Variants in ZNF462 observed in about 807,000 individuals in gnomAD.
ZNF462 encodes the protein zinc finger protein 462, also known as zinc finger PBX1-interacting protein.
In ZNF462, 10 loss-of-function variants were observed where a neutral mutation model predicts 201.9. The observed-to-expected ratio is 0.05, with a 90% confidence interval of 0.03 to 0.08. ZNF462 has a LOEUF of 0.08. ZNF462 is among the 10% of genes least tolerant of loss of function. The probability of loss-of-function intolerance (pLI) is 1.00; values close to 1 mark genes in which losing one functional copy is unlikely to be tolerated. For synonymous variants in ZNF462, 1,227 were observed against 1,193.3 expected (o/e 1.03, Z -0.58); for missense variants, 2,523 against 3,168.3 (o/e 0.80, Z 4.89).
intron 10 of ZNF462, among the ~76,000 whole-genome samples, chr9:106,986,808 T>C (rs1332784372): frequency 6.6e-6 from 1 of 152,034 alleles, no homozygotes; most frequent in Non-Finnish European, 1.5e-5. Flanking sequence ...ATTGTATTAT[T>C]CTTAGGCTTT....
chr9:106,929,794 G>A lies in ZNF462; in HGVS notation c.5847+35G>A, dbSNP rs1409419874. The stretch of plus-strand genomic sequence containing the variant: ...TGTTTTGATTTCCCTTCCCCCAGGA[G>A]GCCTCTCATCACTGGTGCCCACATG... On this transcript the variant is annotated intron_variant, in intron 3 of 12. Coordinates refer to ENST00000277225, the MANE Select transcript of ZNF462 (RefSeq NM_021224.6). The surrounding 1 kb of genome is among the most constrained non-coding windows in gnomAD (Gnocchi z 8.7). 1.3e-6 allele frequency: 2 copies of A among 1,568,166 alleles called. No homozygotes were observed. The highest frequency in any genetic ancestry group is 1.7e-6 in the Non-Finnish European group (2 of 1,154,106).
chr9:106,996,456 C>T, intron 10 of ZNF462, among the ~76,000 whole-genome samples: 1 of 152,132 alleles, frequency 6.6e-6, no homozygotes, highest in Non-Finnish European at 1.5e-5. Context: ...CCTATTTCTC[C>T]ACAACCTCTC....
intron 1 of ZNF462, among the ~76,000 whole-genome samples, chr9:106,864,795 G>A (rs1412399018): frequency 6.6e-6 from 1 of 152,122 alleles, no homozygotes; most frequent in Non-Finnish European, 1.5e-5. Flanking sequence ...TGTCTGTGTT[G>A]GCTGTTTGGT....
At chr9:106,956,860 T>C (rs929239172) in intron 7 of ZNF462, among the ~76,000 whole-genome samples, 1 of 152,178 alleles carries the variant, frequency 6.6e-6, no homozygotes, top group Non-Finnish European at 1.5e-5. Context: ...CTTCATAGAA[T>C]TGAAGATAAT....
At chr9:106,862,113 A>C (rs932302230), upstream of ZNF462, among the ~76,000 whole-genome samples, 7 of 152,160 alleles carry the variant, frequency 4.6e-5, no homozygotes, top group Admixed American at 6.5e-5. The surrounding 1 kb of genome is among the most constrained non-coding windows in gnomAD (Gnocchi z 4.2). Flanking sequence ...TAAAACGCAC[A>C]ATGAGCCTTT....
chr9:106,909,240 G>GGCGTGAGCCACTGCT (rs369057270), intron 1 of ZNF462, among the ~76,000 whole-genome samples: 13,582 of 151,326 alleles, frequency 0.09, 1,380 homozygotes, highest in African/African-American at 0.25. Context: ...TGGGATTACA[G>GGCGTGAGCCACTGCT]GCCCGTTAAT....
At chr9:107,007,030 G>A (rs551739258) in intron 11 of ZNF462, among the ~76,000 whole-genome samples, 16 of 152,000 alleles carry the variant, frequency 1.1e-4, no homozygotes, top group African/African-American at 1.7e-4. Context: ...CACTGTTACC[G>A]GAGTTTTCTG....
At position 106,876,340 on chromosome 9, in the gene ZNF462, C is replaced by A. The variant is rs1827829190; in HGVS notation, c.-31+12985C>A. Among the ~76,000 whole-genome samples, 1 of 152,214 alleles carries A rather than the reference C, an allele frequency of 6.6e-6. No homozygotes were observed. Among genetic ancestry groups the A allele is most frequent in the Admixed American group, 6.5e-5 (1 of 15,288 alleles). On this transcript the variant is annotated intron_variant, in intron 1 of 12. Transcript: ENST00000277225. The surrounding 1 kb of genome is among the most constrained non-coding windows in gnomAD (Gnocchi z 4.9). ...AAAGTGATAGTTTCTTCCTTCCTCA[C>A]TGATAGAGAAACTGAGGCAGAGATC...
At position 106,978,899 on chromosome 9, in the gene ZNF462, A is replaced by G. The variant is rs752959842; in HGVS notation, c.6832+4626A>G. ...GTGGGATCTCATCATATCTGTCATT[A>G]TAATTGGTCCTGATGGCTTCTACCA... On this transcript the variant is annotated intron_variant, in intron 9 of 12. Transcript: ENST00000277225. This position sits in a 1 kb window ranked among gnomAD's most constrained non-coding sequence, Gnocchi z 4.1. 3.8e-5 allele frequency: 12 copies of G among 314,354 alleles called. No homozygotes were observed. In the Middle Eastern group the frequency reaches 7.5e-3, roughly 198 times the overall value. The allele number at this position is 314,354 out of a possible 1,614,324, so 19.5% of individuals were successfully genotyped here. A position where few individuals can be genotyped will look rare whatever the true frequency, so the allele number is the denominator to read the frequency against.
chr9:106,951,520 T>C (rs1831347049), intron 7 of ZNF462, among the ~76,000 whole-genome samples: 1 of 152,208 alleles, frequency 6.6e-6, no homozygotes, highest in African/African-American at 2.4e-5. Flanking sequence ...GGTGGTTGTT[T>C]TTATATTAAT....
Position 106,933,094 on chromosome 9 carries a change from G to C in ZNF462, c.6116+545G>C, listed in dbSNP as rs1271568659. ...ATCACAGCTTTGAAAGTGTAAATATGGAATAGGTGTGTAAGGCTTTTTGGG... is the reference window on the plus strand; with the variant it reads ...ATCACAGCTTTGAAAGTGTAAATATCGAATAGGTGTGTAAGGCTTTTTGGG... On this transcript the variant is annotated intron_variant, in intron 5 of 12. Coordinates refer to ENST00000277225, the MANE Select transcript of ZNF462 (RefSeq NM_021224.6). The surrounding 1 kb of genome is among the most constrained non-coding windows in gnomAD (Gnocchi z 4.3). The C allele has an allele frequency of 6.1e-6, 1 of 164,134 alleles. No homozygotes were observed. Among genetic ancestry groups the C allele is most frequent in the Non-Finnish European group, 1.3e-5 (1 of 74,544 alleles). The allele number at this position is 164,134 out of a possible 1,614,324, so 10.2% of individuals were successfully genotyped here.
intron 1 of ZNF462, among the ~76,000 whole-genome samples, chr9:106,869,175 T>C (rs181067368): frequency 6.6e-6 from 1 of 152,288 alleles, no homozygotes; most frequent in Non-Finnish European, 1.5e-5. Flanking sequence ...CAGATTTAAA[T>C]TGGCTCCTTT....
intron 10 of ZNF462, among the ~76,000 whole-genome samples, chr9:106,990,052 G>C (rs1828149464): frequency 6.6e-6 from 1 of 151,560 alleles, no homozygotes; most frequent in African/African-American, 2.4e-5. Flanking sequence ...ATTTAGTTCT[G>C]CTCTGATCTT....
In ZNF462 at chr9:106,928,356, T is replaced by C; in HGVS notation, c.4444T>C (p.Leu1482=). ...CTVCQSEYNN[L]HGLLTHYGKK... The stretch of plus-strand genomic sequence containing the variant: ...GGTATGCCAATCTGAGTATAACAAC[T>C]TGCACGGCCTTCTCACTCATTATGG... Residue 1482 remains leucine (L), a synonymous_variant, in exon 3 of 13, where the codon TTG becomes CTG. Transcript: ENST00000277225. This position sits in a 1 kb window ranked among gnomAD's most constrained non-coding sequence, Gnocchi z 9.3. The C allele has an allele frequency of 6.2e-7, 1 of 1,614,072 alleles. No homozygotes were observed. Among genetic ancestry groups the C allele is most frequent in the East Asian group, 2.2e-5 (1 of 44,868 alleles).
At chr9:106,967,511 A>C (rs1387279565) in intron 7 of ZNF462, among the ~76,000 whole-genome samples, 1 of 152,126 alleles carries the variant, frequency 6.6e-6, no homozygotes, top group Non-Finnish European at 1.5e-5. Flanking sequence ...ATTAGCAAAA[A>C]AAAAAGTCCA....
chr9:106,864,085 T>G (rs1438932073), intron 1 of ZNF462, among the ~76,000 whole-genome samples: 5 of 128,756 alleles, frequency 3.9e-5, no homozygotes, highest in African/African-American at 1.2e-4. Context: ...TCTCTCTCTC[T>G]CTCTCTCTCT....
chr9:106,873,184 T>C (rs1827671748), intron 1 of ZNF462, among the ~76,000 whole-genome samples: 2 of 152,190 alleles, frequency 1.3e-5, no homozygotes, highest in Admixed American at 6.5e-5. Flanking sequence ...CTGAGAATAA[T>C]GGAAAATTAA....
Position 106,995,896 on chromosome 9 carries a change from A to T in ZNF462, c.7057-7398A>T, listed in dbSNP as rs185862807. The stretch of plus-strand genomic sequence containing the variant: ...TTTGTCACATAGGTATGCATGTGCC[A>T]TGTTGGTGTGCTGCACCCATTAACT... On this transcript the variant is annotated intron_variant, in intron 10 of 12. Coordinates refer to ENST00000277225, the MANE Select transcript of ZNF462 (RefSeq NM_021224.6). Among the ~76,000 whole-genome samples, 7 of 152,270 alleles carry T rather than the reference A, an allele frequency of 4.6e-5. No homozygotes were observed. The East Asian group carries it at 1.4e-3, about 29-fold the overall frequency.
At chr9:106,999,413 G>A (rs1829006202) in intron 10 of ZNF462, among the ~76,000 whole-genome samples, 1 of 152,076 alleles carries the variant, frequency 6.6e-6, no homozygotes, top group Non-Finnish European at 1.5e-5. Flanking sequence ...AAGCATGAAA[G>A]AAAGGCTTAA....
Sources: gnomAD v4.1 joint callset for allele counts (sites outside exome capture counted in the v4.1 genomes callset) on GRCh38, gnomAD v4.1.1 for gene constraint, Gnocchi (gnomAD v3.1) non-coding constraint, MANE v1.5 for transcripts, NCBI Gene and HGNC (gene_info 2026-07-23, HGNC 2026-07-21) for gene names.